TACC2: variants seen among roughly 807,000 people sequenced by gnomAD.
The protein encoded by TACC2 is transforming acidic coiled-coil containing protein 2, also known as transforming acidic coiled-coil-containing protein 2.
TACC2 carries 137 observed loss-of-function variants against 227.3 expected under a neutral mutation model. That is an observed-to-expected ratio of 0.60 (90% CI 0.52 to 0.69). The LOEUF (loss-of-function observed/expected upper bound fraction) is 0.69, where lower values mean the gene tolerates loss of function less well. Ranked by LOEUF, TACC2 falls within the 30% of genes least tolerant of loss-of-function variation. The pLI, the probability that TACC2 is intolerant of heterozygous loss-of-function variation, is 0.00. For synonymous variants in TACC2, 1,523 were observed against 1,487.5 expected (o/e 1.02, Z -0.55); for missense variants, 3,470 against 3,694.4 (o/e 0.94, Z 1.57).
Position 122,087,348 on chromosome 10 carries a change from G to A in TACC2, c.4848G>A (p.Gly1616=). The A allele has an allele frequency of 6.2e-7, 1 of 1,614,048 alleles. No individual in the cohort carries two copies. The highest frequency in any genetic ancestry group is 8.5e-7 in the Non-Finnish European group (1 of 1,180,040). ...GTCCACATGGAGAAGATGGTCCCGG[G>A]GACTTTGCTCACACAGGGGTTCCAG... ...CDSPHGEDGP[G]DFAHTGVPGH... The change falls in exon 4 of 23, where the codon GGG becomes GGA. Residue 1616 remains glycine (G), a synonymous_variant. Coordinates refer to ENST00000369005, the MANE Select transcript of TACC2 (RefSeq NM_206862.4).
chr10:122,000,707 C>T (rs996634522), intron 1 of TACC2, among the ~76,000 whole-genome samples: 4 of 152,182 alleles, frequency 2.6e-5, no homozygotes, highest in Non-Finnish European at 4.4e-5. Flanking sequence ...CAATTGTCTA[C>T]AATGGTTGAG....
chr10:122,224,059 G>T lies in TACC2; in HGVS notation c.7547-667G>T, dbSNP rs150279846. Among the ~76,000 whole-genome samples the T allele has an allele frequency of 2.0e-5, 3 of 152,258 alleles. No individual in the cohort carries two copies. The South Asian group carries it at 6.2e-4, about 32-fold the overall frequency. On this transcript the variant is annotated intron_variant, in intron 11 of 22. Transcript: ENST00000369005. The stretch of plus-strand genomic sequence containing the variant: ...CTCGAGGCAGGCAGTGGTGTTTGCC[G>T]TCTCCATTGAGTGTATGGGATTTTC...
chr10:122,148,055 T>G (rs1017750323), intron 7 of TACC2, among the ~76,000 whole-genome samples: 146 of 152,310 alleles, frequency 9.6e-4, no homozygotes, highest in Middle Eastern at 3.4e-3. Context: ...AACATTTGAT[T>G]TCACTGAAAT....
chr10:122,031,202 C>A (rs1187947999), intron 2 of TACC2, among the ~76,000 whole-genome samples: 1 of 151,916 alleles, frequency 6.6e-6, no homozygotes, highest in Non-Finnish European at 1.5e-5. Context: ...ATTGAGACAC[C>A]CACAGAGAGG....
chr10:122,090,485 T>G (rs2080650320), intron 5 of TACC2, among the ~76,000 whole-genome samples: 1 of 144,238 alleles, frequency 6.9e-6, no homozygotes, highest in Non-Finnish European at 1.5e-5. Context: ...AGGTGGAGCT[T>G]GCAGTGAGCC....
chr10:122,203,529 C>T (rs1422280798), intron 8 of TACC2, among the ~76,000 whole-genome samples: 2 of 151,566 alleles, frequency 1.3e-5, no homozygotes, highest in African/African-American at 2.4e-5. Flanking sequence ...GACGGGGCGG[C>T]CGGGCAGAGA....
At chr10:122,143,501 A>C (rs2090952988) in intron 6 of TACC2, 71 bp from the exon 7 acceptor site, 1 of 1,544,938 alleles carries the variant, frequency 6.5e-7, no homozygotes, top group East Asian at 2.3e-5. Flanking sequence ...GGGTGGGGTG[A>C]ATGGGGCCTG....
At chr10:122,152,999 C>CTTTCTTTTTTTTTTTTTTTTTTTTTTT (rs71026005) in intron 7 of TACC2, among the ~76,000 whole-genome samples, 2 of 135,024 alleles carry the variant, frequency 1.5e-5, no homozygotes. Flanking sequence ...TTCTTTCTTT[C>CTTTCTTTTTTTTTTTTTTTTTTTTTTT]TTTTTTTTTT....
chr10:122,027,748 ATTT>A (rs140880473), intron 2 of TACC2, among the ~76,000 whole-genome samples: 10 of 142,966 alleles, frequency 7.0e-5, no homozygotes, highest in African/African-American at 2.3e-4. Flanking sequence ...ACTTTCTGGG[ATTT>A]TTTTTTTTTT....
chr10:122,052,682 CA>C (rs35294781), intron 3 of TACC2: 23,038 of 133,506 alleles, frequency 0.17, 2,073 homozygotes, highest in East Asian at 0.32. Context: ...GACTACGCCT[CA>C]AAAAAAAAAA....
At chr10:122,069,676 GA>G (rs2077812998) in intron 3 of TACC2, among the ~76,000 whole-genome samples, 1 of 152,120 alleles carries the variant, frequency 6.6e-6, no homozygotes, top group Non-Finnish European at 1.5e-5. Context: ...TAGGCTCTCT[GA>G]AAACATTGAA....
At chr10:122,249,398 G>T in intron 21 of TACC2, 146 bp from the exon 22 acceptor site, 1 of 1,149,722 alleles carries the variant, frequency 8.7e-7, no homozygotes, top group Non-Finnish European at 1.2e-6. Context: ...ATTGGGTTTG[G>T]TGTTCTCATG....
intron 5 of TACC2, among the ~76,000 whole-genome samples, chr10:122,099,852 C>T (rs1296205359): frequency 2.0e-5 from 3 of 152,208 alleles, no homozygotes; most frequent in Non-Finnish European, 2.9e-5. Context: ...AACTACCAGG[C>T]TTCTGTTGAA....
intron 1 of TACC2, among the ~76,000 whole-genome samples, chr10:122,015,953 T>TAA (rs11401777): frequency 0.18 from 25,886 of 147,768 alleles, 2,239 homozygotes; most frequent in South Asian, 0.25. Flanking sequence ...CCCAAAATGT[T>TAA]AAAAAAAAAA....
At chr10:122,068,591 A>G (rs2136635356) in intron 3 of TACC2, among the ~76,000 whole-genome samples, 1 of 151,948 alleles carries the variant, frequency 6.6e-6, no homozygotes, top group East Asian at 2.0e-4. Context: ...CTTATGAGTG[A>G]TGAGGTACTC....
chr10:122,177,285 A>T (rs976721043), intron 7 of TACC2, among the ~76,000 whole-genome samples: 2 of 152,218 alleles, frequency 1.3e-5, no homozygotes, highest in Non-Finnish European at 2.9e-5. Context: ...CAGATAAAGC[A>T]TTCTCATTTT....
intron 16 of TACC2, among the ~76,000 whole-genome samples, chr10:122,236,283 C>T (rs2095855439): frequency 6.6e-6 from 1 of 152,182 alleles, no homozygotes; most frequent in Admixed American, 6.5e-5. Context: ...CTCTCTCTCT[C>T]TACTACACTG....
intron 7 of TACC2, chr10:122,163,915 C>T: frequency 6.4e-7 from 1 of 1,568,950 alleles, no homozygotes; most frequent in Non-Finnish European, 8.6e-7. Flanking sequence ...CACGCCAGGG[C>T]ACAGCGAGGA....
intron 2 of TACC2, among the ~76,000 whole-genome samples, chr10:122,035,825 T>G (rs1338671754): frequency 5.9e-5 from 9 of 152,104 alleles, no homozygotes; most frequent in Non-Finnish European, 1.3e-4. Flanking sequence ...CCCTCCTTCC[T>G]TCCTTCTGAC....
Sources: allele counts gnomAD v4.1 joint callset (sites outside exome capture counted in the v4.1 genomes callset), GRCh38; gene constraint gnomAD v4.1.1; transcripts MANE v1.5; gene names NCBI Gene and HGNC (gene_info 2026-07-23, HGNC 2026-07-21).